ZNF536: variants seen among roughly 807,000 people sequenced by gnomAD.
ZNF536 encodes the protein zinc finger protein 536.
Under a neutral mutation model 84.5 loss-of-function variants are expected in ZNF536, and 13 were observed. The observed-to-expected ratio is 0.15, with a 90% CI of 0.10 to 0.24. ZNF536 has a LOEUF of 0.24. Ranked by LOEUF, ZNF536 falls within the 10% of genes least tolerant of loss-of-function variation. The pLI is 1.00. For missense variants in ZNF536, 1,536 were observed against 1,747.5 expected (o/e 0.88, Z 2.16); for synonymous variants, 811 against 742.5 (o/e 1.09, Z -1.50).
At chr19:30,619,285 A>G (rs191761134) in intron 1 of ZNF536, among the ~76,000 whole-genome samples, 242 of 152,070 alleles carry the variant, frequency 1.6e-3, no homozygotes, top group Non-Finnish European at 2.6e-3. Flanking sequence ...GCCTTCTCCT[A>G]TGAACTTCAG....
At chr19:30,462,902 C>A (rs185927167) in intron 2 of ZNF536, among the ~76,000 whole-genome samples, 2 of 127,980 alleles carry the variant, frequency 1.6e-5, no homozygotes, top group South Asian at 2.8e-4. Flanking sequence ...TCTGTGTTGG[C>A]ATGGGATGGG....
chr19:30,260,646 A>C (rs1338088149), intron 1 of ZNF536, among the ~76,000 whole-genome samples: 1 of 152,226 alleles, frequency 6.6e-6, no homozygotes, highest in Non-Finnish European at 1.5e-5. Context: ...TGCCACTGAG[A>C]GTCCTTCTCT....
At chr19:30,285,101 C>T (rs2045581786) in intron 2 of ZNF536, among the ~76,000 whole-genome samples, 1 of 152,182 alleles carries the variant, frequency 6.6e-6, no homozygotes, top group African/African-American at 2.4e-5. Context: ...GCCGTTGGCA[C>T]AGTAATGATT....
intron 1 of ZNF536, among the ~76,000 whole-genome samples, chr19:30,626,709 G>T (rs2048693988): frequency 6.6e-6 from 1 of 152,200 alleles, no homozygotes; most frequent in East Asian, 1.9e-4. Context: ...CCCCCAACGT[G>T]CAGTCTGATG....
At chr19:30,410,599 C>CAA in intron 1 of ZNF536, among the ~76,000 whole-genome samples, 1 of 151,858 alleles carries the variant, frequency 6.6e-6, no homozygotes, top group Non-Finnish European at 1.5e-5. Flanking sequence ...CTCAGCCTCC[C>CAA]GCGTAGCTGG....
At chr19:30,259,985 G>C (rs2025122955) in intron 1 of ZNF536, among the ~76,000 whole-genome samples, 1 of 142,772 alleles carries the variant, frequency 7.0e-6, no homozygotes, top group Admixed American at 7.2e-5. Context: ...GGCTGGTCTT[G>C]AACTCCTGAC....
chr19:30,312,625 A>G (rs1355343114), intron 2 of ZNF536, among the ~76,000 whole-genome samples: 1 of 152,232 alleles, frequency 6.6e-6, no homozygotes, highest in Admixed American at 6.5e-5. Flanking sequence ...AGATTCCCAC[A>G]GTCACCTGCA....
chr19:30,260,748 C>A (rs549227079), intron 1 of ZNF536, among the ~76,000 whole-genome samples: 1 of 152,172 alleles, frequency 6.6e-6, no homozygotes, highest in African/African-American at 2.4e-5. Context: ...GTCTAGCGAA[C>A]CTGCAAAGGC....
chr19:30,487,968 A>G (rs183016652), intron 2 of ZNF536, among the ~76,000 whole-genome samples: 1 of 152,328 alleles, frequency 6.6e-6, no homozygotes, highest in Admixed American at 6.5e-5. Context: ...TTCAGCAGCA[A>G]TAAAACTCTC....
intron 2 of ZNF536, among the ~76,000 whole-genome samples, chr19:30,459,354 CTTT>C (rs1257308245): frequency 1.7e-4 from 17 of 99,394 alleles, no homozygotes; most frequent in Admixed American, 3.2e-4. Flanking sequence ...TTCTTTCTCT[CTTT>C]TTTTTTTTTT....
chr19:30,683,891 A>T (rs770206614), intron 1 of ZNF536, among the ~76,000 whole-genome samples: 9 of 152,236 alleles, frequency 5.9e-5, no homozygotes, highest in Non-Finnish European at 8.8e-5. Context: ...TAGCTAGGTT[A>T]ATCAGAGCAA....
At chr19:30,476,583 C>A (rs2053855134) in intron 2 of ZNF536, among the ~76,000 whole-genome samples, 1 of 152,156 alleles carries the variant, frequency 6.6e-6, no homozygotes, top group Non-Finnish European at 1.5e-5. Flanking sequence ...GAATAAAATA[C>A]CTTTCTGAGT....
chr19:30,405,196 G>A (rs543789154), intron 1 of ZNF536, among the ~76,000 whole-genome samples: 1 of 152,300 alleles, frequency 6.6e-6, no homozygotes, highest in East Asian at 1.9e-4. Context: ...AATATAGGGT[G>A]AGACCCTCTT....
intron 1 of ZNF536, among the ~76,000 whole-genome samples, chr19:30,651,505 A>G (rs1269341939): frequency 6.6e-6 from 1 of 152,220 alleles, no homozygotes; most frequent in Non-Finnish European, 1.5e-5. Flanking sequence ...TAAAAAAGAG[A>G]ATAAGCACGA....
intron 2 of ZNF536, among the ~76,000 whole-genome samples, chr19:30,348,098 C>CTTTT (rs1302983762): frequency 6.6e-6 from 1 of 152,228 alleles, no homozygotes; most frequent in African/African-American, 2.4e-5. Context: ...GCATTTATTA[C>CTTTT]TTTTTACATT....
At chr19:30,281,231 C>T (rs796631774) in intron 1 of ZNF536, among the ~76,000 whole-genome samples, 12 of 152,262 alleles carry the variant, frequency 7.9e-5, no homozygotes, top group African/African-American at 1.4e-4. Context: ...TCTCCCTCCT[C>T]GCTCCCCAGC....
chr19:30,280,110 G>A (rs11667666), intron 1 of ZNF536, among the ~76,000 whole-genome samples: 51,589 of 151,782 alleles, frequency 0.34, 11,370 homozygotes, highest in Non-Finnish European at 0.5. Flanking sequence ...CCAACCATCC[G>A]CCTCGCCTCC....
At chr19:30,385,793 C>G (rs2049317524) in intron 1 of ZNF536, among the ~76,000 whole-genome samples, 1 of 152,198 alleles carries the variant, frequency 6.6e-6, no homozygotes. Flanking sequence ...AATCTCCTGT[C>G]TTCTGAAATC....
intron 2 of ZNF536, among the ~76,000 whole-genome samples, chr19:30,521,599 T>C (rs140340937): frequency 2.6e-5 from 4 of 152,248 alleles, no homozygotes; most frequent in Admixed American, 1.3e-4. Flanking sequence ...TATTAAAGCA[T>C]TCATTTATTC....
Sources: gnomAD v4.1 joint callset for allele counts (sites outside exome capture counted in the v4.1 genomes callset) on GRCh38, gnomAD v4.1.1 for gene constraint, MANE v1.5 for transcripts, NCBI Gene and HGNC (gene_info 2026-07-23, HGNC 2026-07-21) for gene names.